TRAPPC9: variants seen among roughly 807,000 people sequenced by gnomAD.
TRAPPC9 encodes the protein IKK2 binding protein.
A neutral mutation model predicts 124.0 loss-of-function variants in TRAPPC9; 83 were observed. The observed-to-expected ratio is 0.67, with a 90% confidence interval of 0.56 to 0.80. The LOEUF (loss-of-function observed/expected upper bound fraction) is 0.80, where lower values mean the gene tolerates loss of function less well. Among genes scored for constraint, TRAPPC9 ranks in the 30% least tolerant of loss-of-function variants. The pLI, the probability that TRAPPC9 is intolerant of heterozygous loss-of-function variation, is 0.00. For missense variants in TRAPPC9, 1,302 were observed against 1,508.3 expected (o/e 0.86, Z 2.27); for synonymous variants, 638 against 617.5 (o/e 1.03, Z -0.49).
chr8:139,804,869 C>T (rs1268095336), intron 21 of TRAPPC9, among the ~76,000 whole-genome samples: 1 of 152,160 alleles, frequency 6.6e-6, no homozygotes, highest in African/African-American at 2.4e-5. Context: ...TTACTGAATC[C>T]CATGAGGACC....
intron 15 of TRAPPC9, chr8:140,262,741 C>A (rs1425426501): frequency 2.0e-5 from 3 of 152,210 alleles, no homozygotes; most frequent in Non-Finnish European, 4.4e-5. Flanking sequence ...CATGTGCCTG[C>A]ACGGTGACTG....
intron 18 of TRAPPC9, among the ~76,000 whole-genome samples, chr8:140,020,389 G>T (rs2131899878): frequency 6.6e-6 from 1 of 152,288 alleles, no homozygotes; most frequent in Middle Eastern, 3.4e-3. Context: ...ACTTTCGGAG[G>T]TTGAAGCAGG....
At chr8:139,877,346 ACAGT>A (rs1829385877) in intron 21 of TRAPPC9, among the ~76,000 whole-genome samples, 1 of 152,322 alleles carries the variant, frequency 6.6e-6, no homozygotes, top group African/African-American at 2.4e-5. Flanking sequence ...CTCAAAATAG[ACAGT>A]CAGGGAGCAT....
At chr8:140,262,192 C>T (rs536147119) in intron 15 of TRAPPC9, among the ~76,000 whole-genome samples, 36 of 150,746 alleles carry the variant, frequency 2.4e-4, no homozygotes, top group Non-Finnish European at 3.8e-4. Context: ...TGAAATCATG[C>T]TGTAGTTCTA....
intron 21 of TRAPPC9, among the ~76,000 whole-genome samples, chr8:139,783,140 G>A (rs914924239): frequency 4.0e-5 from 6 of 151,716 alleles, no homozygotes; most frequent in Admixed American, 3.3e-4. Flanking sequence ...AGGAATAGAA[G>A]AACAAACTAA....
chr8:139,995,178 T>C (rs754623516), intron 18 of TRAPPC9, among the ~76,000 whole-genome samples: 1 of 152,156 alleles, frequency 6.6e-6, no homozygotes, highest in African/African-American at 2.4e-5. Context: ...GTGAGCTGCA[T>C]CTCTCTCCAG....
chr8:140,397,202 A>C (rs2069120129), intron 7 of TRAPPC9, among the ~76,000 whole-genome samples: 3 of 152,154 alleles, frequency 2.0e-5, no homozygotes, highest in African/African-American at 7.2e-5. Context: ...TTAAAGTATT[A>C]TTTGCTGGGT....
intron 8 of TRAPPC9, 96 bp from the exon 9 acceptor site, chr8:140,360,289 A>G: frequency 6.7e-7 from 1 of 1,494,740 alleles, no homozygotes; most frequent in East Asian, 2.3e-5. Context: ...TTGAAGACAG[A>G]TGCCTCAACC....
At chr8:140,215,315 G>A (rs1051145550) in intron 17 of TRAPPC9, among the ~76,000 whole-genome samples, 2 of 152,102 alleles carry the variant, frequency 1.3e-5, no homozygotes, top group Non-Finnish European at 2.9e-5. Flanking sequence ...CTCCTTAAGG[G>A]TGGGACCACA....
At position 139,907,990 on chromosome 8, in the gene TRAPPC9, A is replaced by G. The variant is rs1831470588; in HGVS notation, c.2964+2157T>C. 1.3e-5 allele frequency among the ~76,000 whole-genome samples: 2 copies of G among 152,188 alleles called. No individual in the cohort carries two copies. Among genetic ancestry groups the G allele is most frequent in the South Asian group, 4.1e-4 (2 of 4,826 alleles). On this transcript the variant is annotated intron_variant, in intron 20 of 22. Coordinates refer to ENST00000438773, the MANE Select transcript of TRAPPC9 (RefSeq NM_001160372.4). This position sits in a 1 kb window ranked among gnomAD's most constrained non-coding sequence, Gnocchi z 4.7. ...GACAGGATAATGAAACCGCCCCAGG[A>G]GTCAGGTTGCCGACAAGGGTGACGT...
At chr8:139,737,638 C>T (rs1017935896) in intron 21 of TRAPPC9, among the ~76,000 whole-genome samples, 15 of 152,202 alleles carry the variant, frequency 9.9e-5, no homozygotes, top group African/African-American at 3.6e-4. Context: ...CTCTCCCAGG[C>T]GGGATGGGGC....
At position 139,812,518 on chromosome 8, in the gene TRAPPC9, C is replaced by T. The variant is rs538434037; in HGVS notation, c.3055+73361G>A. ...TTGCAGAAGCGCCTCTGAGGACTGG[C>T]GCTGGGTGATGGGGCAGGCAGGAGT... On this transcript the variant is annotated intron_variant, in intron 21 of 22. Coordinates refer to ENST00000438773, the MANE Select transcript of TRAPPC9 (RefSeq NM_001160372.4). 7.9e-5 allele frequency among the ~76,000 whole-genome samples: 12 copies of T among 152,292 alleles called. No individual in the cohort carries two copies. In the South Asian group the frequency reaches 1.0e-3, roughly 13 times the overall value.
At chr8:140,411,104 C>G (rs1258814001) in intron 5 of TRAPPC9, among the ~76,000 whole-genome samples, 1 of 152,078 alleles carries the variant, frequency 6.6e-6, no homozygotes, top group Non-Finnish European at 1.5e-5. Context: ...AAAAGAACCA[C>G]AACCAATCCT....
intron 7 of TRAPPC9, among the ~76,000 whole-genome samples, chr8:140,374,818 G>A (rs776175153): frequency 5.6e-4 from 86 of 152,250 alleles, no homozygotes; most frequent in African/African-American, 1.9e-3. Flanking sequence ...CCACCAATGC[G>A]TTAGAACTCC....
intron 7 of TRAPPC9, among the ~76,000 whole-genome samples, chr8:140,396,236 G>T (rs1381403690): frequency 6.7e-6 from 1 of 149,148 alleles, no homozygotes; most frequent in Non-Finnish European, 1.5e-5. Context: ...CTGCCTCCCA[G>T]GTTCACGCCA....
chr8:140,294,931 AAAG>A (rs1208096971), intron 11 of TRAPPC9, among the ~76,000 whole-genome samples: 1 of 152,170 alleles, frequency 6.6e-6, no homozygotes, highest in Non-Finnish European at 1.5e-5. Context: ...ATTTTTGCTG[AAAG>A]AAGGAGATAA....
rs922330776 is a variant in TRAPPC9 at position 140,087,143 on chromosome 8, C to T, written c.2557-63064G>A. ...CAACATCCTGGCCTTGTCTTCCTGA[C>T]GTTCTCAGCAGCTGTCATTTGCTCC... On this transcript the variant is annotated intron_variant, in intron 17 of 22. Transcript: ENST00000438773. This position sits in a 1 kb window ranked among gnomAD's most constrained non-coding sequence, Gnocchi z 4.6. 2.0e-5 allele frequency among the ~76,000 whole-genome samples: 3 copies of T among 152,310 alleles called. No individual in the cohort carries two copies. Among genetic ancestry groups the T allele is most frequent in the South Asian group, 2.1e-4 (1 of 4,822 alleles).
intron 21 of TRAPPC9, among the ~76,000 whole-genome samples, chr8:139,830,628 G>A (rs1563846772): frequency 1.3e-5 from 2 of 150,962 alleles, no homozygotes; most frequent in African/African-American, 4.9e-5. Flanking sequence ...ACACACACAT[G>A]CATACACAGA....
At chr8:140,066,784 T>G (rs1842914369) in intron 17 of TRAPPC9, among the ~76,000 whole-genome samples, 1 of 152,214 alleles carries the variant, frequency 6.6e-6, no homozygotes, top group African/African-American at 2.4e-5. Context: ...CAAAGATACC[T>G]GGCACCAAAG....
Sources: gnomAD v4.1 joint callset for allele counts (sites outside exome capture counted in the v4.1 genomes callset) on GRCh38, gnomAD v4.1.1 for gene constraint, Gnocchi (gnomAD v3.1) non-coding constraint, MANE v1.5 for transcripts, NCBI Gene and HGNC (gene_info 2026-07-23, HGNC 2026-07-21) for gene names.